The following MEF2D variants were observed in gnomAD, a reference collection of about 807,000 sequenced individuals.
MEF2D encodes the protein myocyte-specific enhancer factor 2D.
A neutral mutation model predicts 59.3 loss-of-function variants in MEF2D; 10 were observed. The observed-to-expected ratio is 0.17, with a 90% confidence interval of 0.10 to 0.29. MEF2D has a LOEUF of 0.29. Among genes scored for constraint, MEF2D ranks in the 10% least tolerant of loss-of-function variants. The pLI is 1.00. For synonymous variants in MEF2D, 305 were observed against 295.0 expected, an observed-to-expected ratio of 1.03 and a Z score of -0.35; for missense variants, 508 against 699.4, an observed-to-expected ratio of 0.73 and a Z score of 3.09.
chr1:156,497,358 G>T lies in MEF2D; in HGVS notation c.-139+3128C>A, dbSNP rs150077562. On this transcript the variant is annotated intron_variant, in intron 1 of 11. Coordinates refer to ENST00000348159, the MANE Select transcript of MEF2D (RefSeq NM_005920.4). ...CCATTTCCTCCTTCTCTATAAAAAA[G>T]AGATAGTTGCCTCAAACCAGCTGGC... Among the ~76,000 whole-genome samples the T allele has an allele frequency of 2.0e-5, 3 of 152,216 alleles. 1 individual carries two copies. Among genetic ancestry groups the T allele is most frequent in the Admixed American group, 1.3e-4 (2 of 15,284 alleles).
rs747540891 is a variant in MEF2D at position 156,468,837 on chromosome 1, G to A, written c.1190C>T (p.Pro397Leu). The A allele has an allele frequency of 2.5e-5, 41 of 1,613,974 alleles. No homozygotes were observed. Among genetic ancestry groups the A allele is most frequent in the Admixed American group, 1.3e-4 (8 of 59,998 alleles). Reference sequence around the variant, plus strand: ...GGACTGTTGCTGAGGTGGCTGTTGCGGCTGCTGAGGCTGCTGTGGCTGTGG... The same window carrying A: ...GGACTGTTGCTGAGGTGGCTGTTGCAGCTGCTGAGGCTGCTGTGGCTGTGG... ...QQPQPQQPQQ[P>L]QQPPQQQSHL... The change falls in exon 10 of 12, where the codon CCG becomes CTG. Residue 397 changes from proline to leucine, a missense_variant. Pro to Leu is a moderately conservative substitution (Grantham distance 98). Around this residue, in one of 2 missense-constraint regions of MEF2D, gnomAD observed 481 missense variants for 584.7 expected, o/e 0.82. Coordinates refer to ENST00000348159, the MANE Select transcript of MEF2D (RefSeq NM_005920.4). This position sits in a 1 kb window ranked among gnomAD's most constrained non-coding sequence, Gnocchi z 4.3.
At chr1:156,479,906 C>T in intron 4 of MEF2D, 110 bp from the exon 5 acceptor site, 1 of 1,062,050 alleles carries the variant, frequency 9.4e-7, no homozygotes, top group Non-Finnish European at 1.4e-6. Context: ...GCTACGCATC[C>T]TAGGGCCAGC....
intron 1 of MEF2D, among the ~76,000 whole-genome samples, chr1:156,495,499 T>C (rs1389225014): frequency 2.0e-5 from 3 of 151,908 alleles, no homozygotes; most frequent in African/African-American, 7.3e-5. Context: ...CTCTCTTCAT[T>C]GGGATCTCAA....
intron 1 of MEF2D, among the ~76,000 whole-genome samples, chr1:156,497,696 G>A (rs574088500): frequency 6.6e-6 from 1 of 152,110 alleles, no homozygotes; most frequent in Non-Finnish European, 1.5e-5. Context: ...CTTGCTCCTG[G>A]ACTTCCCTTG....
chr1:156,493,090 C>T (rs1227481136), intron 1 of MEF2D, among the ~76,000 whole-genome samples: 1 of 152,158 alleles, frequency 6.6e-6, no homozygotes, highest in African/African-American at 2.4e-5. Flanking sequence ...ATCCTTTCTT[C>T]TCACCCACAG....
rs1393312158 is a variant in MEF2D at position 156,468,426 on chromosome 1, G to A, written c.1248-127C>T. 2.9e-6 allele frequency: 2 copies of A among 693,410 alleles called. No individual in the cohort carries two copies. Among genetic ancestry groups the A allele is most frequent in the East Asian group, 2.8e-5 (1 of 36,246 alleles). The allele number at this position is 693,410 out of a possible 1,614,324, so 43.0% of individuals were successfully genotyped here. On this transcript the variant is annotated intron_variant, in intron 10 of 11. Coordinates refer to ENST00000348159, the MANE Select transcript of MEF2D (RefSeq NM_005920.4). The surrounding 1 kb of genome is among the most constrained non-coding windows in gnomAD (Gnocchi z 4.3). ...AGGATGAGAATATGGGGGATGGGGT[G>A]TTGGGGAGAGGCAATTGGATGGAGA...
In MEF2D at chr1:156,479,335, C is replaced by A; in HGVS notation, c.619G>T (p.Gly207Trp). Residue 207 changes from glycine to tryptophan, a missense_variant, in exon 6 of 12, where the codon GGG becomes TGG. Around this residue, in one of 2 missense-constraint regions of MEF2D, gnomAD observed 481 missense variants for 584.7 expected, o/e 0.82. Transcript: ENST00000348159. ...CCGTTAGCACTGTTCAGGTCACCCCCCAGCATGGCCCCTGGAGGAAAAACA... is the reference window on the plus strand; with the variant it reads ...CCGTTAGCACTGTTCAGGTCACCCCACAGCATGGCCCCTGGAGGAAAAACA... ...QRPASAGAML[G>W]GDLNSANGAC... 6.2e-7 allele frequency: 1 copy of A among 1,612,598 alleles called. No individual in the cohort carries two copies. Among genetic ancestry groups the A allele is most frequent in the Non-Finnish European group, 8.5e-7 (1 of 1,179,520 alleles).
chr1:156,487,179 C>A (rs888718126), intron 1 of MEF2D, among the ~76,000 whole-genome samples: 2 of 152,228 alleles, frequency 1.3e-5, no homozygotes, highest in East Asian at 1.9e-4. Flanking sequence ...ACCGCCCCCC[C>A]CACCCCCGCC....
chr1:156,479,387 C>A, intron 5 of MEF2D, 41 bp from the exon 6 acceptor site: 3 of 1,597,992 alleles, frequency 1.9e-6, no homozygotes, highest in East Asian at 4.5e-5. Flanking sequence ...ACAACACTCC[C>A]GCTTCAAGAG....
chr1:156,474,804 T>C (rs1671459432), intron 9 of MEF2D, among the ~76,000 whole-genome samples: 1 of 151,916 alleles, frequency 6.6e-6, no homozygotes, highest in Admixed American at 6.5e-5. Flanking sequence ...AGTGAAACCC[T>C]GTTCCAAAAA....
At chr1:156,480,993 C>A in intron 3 of MEF2D, 22 bp from the exon 4 acceptor site, 4 of 1,611,398 alleles carry the variant, frequency 2.5e-6, no homozygotes, top group Non-Finnish European at 3.4e-6. Flanking sequence ...CCACTGCCAT[C>A]AGCTGGGTGA....
Position 156,476,633 on chromosome 1 carries a change from A to C in MEF2D, c.856-119T>G. 4 of 1,240,462 alleles carry C rather than the reference A, an allele frequency of 3.2e-6. No homozygotes were observed. In the South Asian group the frequency reaches 3.9e-5, roughly 12 times the overall value. 76.8% of individuals were successfully genotyped at this position (1,240,462 alleles called of 1,614,324 possible). A position where few individuals can be genotyped will look rare whatever the true frequency, so the allele number is the denominator to read the frequency against. On this transcript the variant is annotated intron_variant, in intron 7 of 11. Transcript: ENST00000348159. ...GCATAAGAGTAGGGTGGCTCTACCC[A>C]GCCTACAAAGGCAGAGCTCTCCACC...
chr1:156,492,397 G>A (rs1171243981), intron 1 of MEF2D, among the ~76,000 whole-genome samples: 3 of 152,214 alleles, frequency 2.0e-5, no homozygotes, highest in East Asian at 1.9e-4. Flanking sequence ...CCAAGCATGC[G>A]AGGCTGGTGA....
In MEF2D at chr1:156,482,599, C is replaced by T. The variant is rs756127131; in HGVS notation, c.96G>A (p.Ala32=). 65 of 1,614,122 alleles carry T rather than the reference C, an allele frequency of 4.0e-5. No individual in the cohort carries two copies. Among genetic ancestry groups the T allele is most frequent in the East Asian group, 6.7e-5 (3 of 44,898 alleles). Residue 32 remains alanine, a synonymous_variant, in exon 3 of 12, where the codon GCG becomes GCA. Transcript: ENST00000348159. ...AGTCACATAGCACGCTCAGCTCATA[C>T]GCCTTCTTCATCAGGCCAAACTTCC... is the stretch of plus-strand genomic sequence containing the variant. The part of the protein sequence containing the change: ...TKRKFGLMKK[A]YELSVLCDCE...
intron 1 of MEF2D, among the ~76,000 whole-genome samples, chr1:156,490,156 C>A (rs987120317): frequency 7.9e-5 from 12 of 152,122 alleles, no homozygotes; most frequent in African/African-American, 2.9e-4. Flanking sequence ...GTCCCTCTCC[C>A]CATCCCACAC....
intron 4 of MEF2D, 23 bp downstream of exon 4, chr1:156,480,811 G>A (rs1671957179): frequency 6.3e-7 from 1 of 1,593,720 alleles, no homozygotes; most frequent in Non-Finnish European, 8.5e-7. Flanking sequence ...GGGGCCAACA[G>A]AGACAGAGTG....
At chr1:156,496,211 C>A (rs770883406) in intron 1 of MEF2D, among the ~76,000 whole-genome samples, 1 of 152,222 alleles carries the variant, frequency 6.6e-6, no homozygotes, top group African/African-American at 2.4e-5. Flanking sequence ...GATCTACCCC[C>A]AGATGCCTGA....
intron 9 of MEF2D, among the ~76,000 whole-genome samples, chr1:156,472,502 G>A (rs527500153): frequency 6.6e-6 from 1 of 152,196 alleles, no homozygotes; most frequent in Admixed American, 6.5e-5. Flanking sequence ...CTCTTAACCT[G>A]CCACGAGGGG....
At chr1:156,484,846 T>C (rs766095367) in intron 1 of MEF2D, among the ~76,000 whole-genome samples, 1 of 152,108 alleles carries the variant, frequency 6.6e-6, no homozygotes, top group Non-Finnish European at 1.5e-5. Flanking sequence ...AGTGCCTACA[T>C]AGGCTGGGTG....
Sources: allele counts gnomAD v4.1 joint callset (sites outside exome capture counted in the v4.1 genomes callset), GRCh38; gene constraint gnomAD v4.1.1; regional missense constraint gnomAD v4.1.1; non-coding constraint Gnocchi (gnomAD v3.1); transcripts MANE v1.5; gene names NCBI Gene and HGNC (gene_info 2026-07-23, HGNC 2026-07-21).